SERPINA10: variants seen among roughly 807,000 people sequenced by gnomAD.
SERPINA10 encodes serpin family A member 10.
SERPINA10 carries 24 observed loss-of-function variants against 28.0 expected under a neutral mutation model. That is an observed-to-expected ratio of 0.86 (90% confidence interval 0.62 to 1.20). The LOEUF (loss-of-function observed/expected upper bound fraction) is 1.20, where lower values mean the gene tolerates loss of function less well. Ranked by LOEUF, SERPINA10 falls within the 50% of genes most tolerant of loss-of-function variation. The pLI is 0.00. For missense variants in SERPINA10, 521 were observed against 537.7 expected, an observed-to-expected ratio of 0.97 and a Z score of 0.31; for synonymous variants, 207 against 203.9, an observed-to-expected ratio of 1.02 and a Z score of -0.13.
rs1894933753 is a variant in SERPINA10 at position 94,282,944 on chromosome 14, A to G, written c.*1021T>C. 1 of 152,022 alleles carries G rather than the reference A, an allele frequency of 6.6e-6. No homozygotes were observed. Among genetic ancestry groups the G allele is most frequent in the Non-Finnish European group, 1.5e-5 (1 of 68,054 alleles). 9.4% of individuals were successfully genotyped at this position (152,022 alleles called of 1,614,324 possible). A position where few individuals can be genotyped will look rare whatever the true frequency, so the allele number is the denominator to read the frequency against. On this transcript the variant is annotated 3_prime_UTR_variant, in exon 5 of 5. Transcript: ENST00000261994. ...TAAAATGAAGGTATTGAACTAGATGATCTGTGATTCAGCCAATGCCTCTGC... is the reference window on the plus strand; with the variant it reads ...TAAAATGAAGGTATTGAACTAGATGGTCTGTGATTCAGCCAATGCCTCTGC...
chr14:94,292,747 CAG>C, intron 1 of SERPINA10: 1 of 696,898 alleles, frequency 1.4e-6, no homozygotes, highest in Non-Finnish European at 2.6e-6. Context: ...GCCAGGAGCT[CAG>C]GGGGTGCTCC....
chr14:94,288,466 C>T lies in SERPINA10; in HGVS notation c.812G>A (p.Gly271Asp), dbSNP rs2139696946. Residue 271 changes from glycine to aspartate, a missense_variant, in exon 3 of 5, where the codon GGT (glycine) becomes GAT (aspartate). Transcript: ENST00000261994. Reference protein sequence around the residue: ...YKTIKVPMMYGAGKFASTFDK... With the variant: ...YKTIKVPMMYDAGKFASTFDK... The stretch of plus-strand genomic sequence containing the variant: ...AAAGGTGGAGGCAAACTTGCCTGCA[C>T]CGTACATCATGGGCACCTTAATGGT... 1 of 1,614,118 alleles carries T rather than the reference C, an allele frequency of 6.2e-7. No individual in the cohort carries two copies. Among genetic ancestry groups the T allele is most frequent in the Non-Finnish European group, 8.5e-7 (1 of 1,180,018 alleles).
chr14:94,288,566 A>G lies in SERPINA10; in HGVS notation c.719-7T>C. 2 of 1,614,228 alleles carry G rather than the reference A, an allele frequency of 1.2e-6. No homozygotes were observed. The highest frequency in any genetic ancestry group is 1.7e-6 in the Non-Finnish European group (2 of 1,180,042). ...AATGGGGTCAACCATTTCCCTGAAC[A>G]AGTAAGAGAAGAACTCATTGCAGAA... On this transcript the variant is annotated splice_polypyrimidine_tract_variant and splice_region_variant and intron_variant, in intron 2 of 4. Transcript: ENST00000261994.
At position 94,288,537 on chromosome 14, in the gene SERPINA10, G is replaced by A. The variant is rs2232706; in HGVS notation, c.741C>T (p.Asp247=). The A allele has an allele frequency of 1.1e-5, 18 of 1,614,064 alleles. 1 individual carries two copies. In the East Asian group the frequency reaches 3.8e-4, roughly 34 times the overall value. The change falls in exon 3 of 5, where the codon GAC becomes GAT. Residue 247 remains aspartate (D), a synonymous_variant. Coordinates refer to ENST00000261994, the MANE Select transcript of SERPINA10 (RefSeq NM_001100607.3). ...LFKGKWLTPF[D]PVFTEVDTFH... ...AAGTGTCGACTTCGGTGAAGACAGG[G>A]TCAAATGGGGTCAACCATTTCCCTG...
chr14:94,284,878 G>C (rs1566717025), intron 4 of SERPINA10, among the ~76,000 whole-genome samples: 1 of 152,172 alleles, frequency 6.6e-6, no homozygotes, highest in African/African-American at 2.4e-5. Flanking sequence ...CAAACAGAGG[G>C]AGAATATTTA....
rs1276008419 is a variant in SERPINA10 at position 94,288,562 on chromosome 14, GA to G, written c.719-4del. The G allele has an allele frequency of 6.2e-7, 1 of 1,614,062 alleles. No homozygotes were observed. The highest frequency in any genetic ancestry group is 8.5e-7 in the Non-Finnish European group (1 of 1,180,042). On this transcript the variant is annotated splice_region_variant and splice_polypyrimidine_tract_variant and intron_variant, in intron 2 of 4. Transcript: ENST00000261994. Reference sequence around the variant, plus strand: ...GTCAAATGGGGTCAACCATTTCCCTGAACAAGTAAGAGAAGAACTCATTGCA... The same window carrying G: ...GTCAAATGGGGTCAACCATTTCCCTGACAAGTAAGAGAAGAACTCATTGCA...
At chr14:94,287,846 T>C (rs778681328) in intron 3 of SERPINA10, among the ~76,000 whole-genome samples, 20 of 152,366 alleles carry the variant, frequency 1.3e-4, no homozygotes, top group Admixed American at 2.0e-4. Flanking sequence ...GGTTTATCCT[T>C]CATCTTCAGA....
chr14:94,291,348 C>G (rs373295158), intron 1 of SERPINA10, among the ~76,000 whole-genome samples: 1 of 152,194 alleles, frequency 6.6e-6, no homozygotes, highest in African/African-American at 2.4e-5. Context: ...GGCTGCATGC[C>G]GGTTCTCACT....
Position 94,284,060 on chromosome 14 carries a change from T to G in SERPINA10, c.1240A>C (p.Ile414Leu). 1 of 1,614,210 alleles carries G rather than the reference T, an allele frequency of 6.2e-7. No individual in the cohort carries two copies. The highest frequency in any genetic ancestry group is 8.5e-7 in the Non-Finnish European group (1 of 1,180,030). Residue 414 changes from isoleucine (I) to leucine (L), a missense_variant, in exon 5 of 5, where the codon ATC (isoleucine) becomes CTC (leucine). Coordinates refer to ENST00000261994, the MANE Select transcript of SERPINA10 (RefSeq NM_001100607.3). The part of the protein sequence containing the change: ...EITAYSMPPV[I>L]KVDRPFHFMI... ...AAATGAAATGGCCGGTCCACTTTGA[T>G]GACAGGAGGCATGGAATAAGCAGTA...
chr14:94,292,500 G>A, intron 1 of SERPINA10: 1 of 676,190 alleles, frequency 1.5e-6, no homozygotes, highest in Non-Finnish European at 2.7e-6. Flanking sequence ...TCTACATTAA[G>A]ACCACACAGA....
chr14:94,290,076 T>A lies in SERPINA10; in HGVS notation c.518A>T (p.Asp173Val), dbSNP rs367993455. The part of the protein sequence containing the change: ...GSFAFIHKDF[D>V]VKETFFNLSK... ...TAAATTGAAGAAAGTCTCTTTGACATCAAAATCCTTGTGGATGAAGGCAAA... is the reference window on the plus strand; with the variant it reads ...TAAATTGAAGAAAGTCTCTTTGACAACAAAATCCTTGTGGATGAAGGCAAA... The change falls in exon 2 of 5, where the codon GAT (aspartate) becomes GTT (valine). Residue 173 changes from aspartate (D) to valine (V), a missense_variant. Coordinates refer to ENST00000261994, the MANE Select transcript of SERPINA10 (RefSeq NM_001100607.3). 1.6e-5 allele frequency: 26 copies of A among 1,614,092 alleles called. No individual in the cohort carries two copies. Among genetic ancestry groups the A allele is most frequent in the Non-Finnish European group, 2.1e-5 (25 of 1,180,040 alleles).
intron 4 of SERPINA10, among the ~76,000 whole-genome samples, chr14:94,284,533 A>T (rs1894975398): frequency 6.6e-6 from 1 of 152,164 alleles, no homozygotes; most frequent in Non-Finnish European, 1.5e-5. Context: ...TGATCCCTGG[A>T]TCCCTTGAGT....
intron 1 of SERPINA10, chr14:94,292,792 G>T: frequency 1.5e-6 from 1 of 668,432 alleles, no homozygotes; most frequent in South Asian, 1.6e-5. Context: ...TGGTGAGGAC[G>T]CACCTTCCTA....
intron 2 of SERPINA10, 76 bp downstream of exon 2, chr14:94,289,800 C>G (rs931295427): frequency 6.9e-6 from 10 of 1,449,508 alleles, no homozygotes; most frequent in Non-Finnish European, 9.7e-6. Flanking sequence ...TAATCATATG[C>G]TGGCCTAACG....
intron 4 of SERPINA10, among the ~76,000 whole-genome samples, chr14:94,285,689 G>A (rs572635558): frequency 3.2e-4 from 49 of 152,104 alleles, no homozygotes; most frequent in Admixed American, 6.6e-4. Flanking sequence ...AGAAGTTGGA[G>A]GGCTATTTCG....
rs56137907 is a variant in SERPINA10, at chr14:94,290,179, C to T, written c.415G>A (p.Gly139Arg). 479 of 1,613,826 alleles carry T rather than the reference C, an allele frequency of 3.0e-4. 3 individuals carry two copies. In the African/African-American group the frequency reaches 5.4e-3, roughly 18 times the overall value. The change falls in exon 2 of 5, where the codon GGG becomes AGG. Residue 139 changes from glycine to arginine, a missense_variant. By Grantham distance (125) the Gly-to-Arg change is moderately radical (BLOSUM62 -2). Coordinates refer to ENST00000261994, the MANE Select transcript of SERPINA10 (RefSeq NM_001100607.3). The part of the protein sequence containing the change: ...HLQALKPTKP[G>R]LLPSLFKGLR... Reference sequence around the variant, plus strand: ...CCCTTAAAGAGGGAAGGCAGGAGCCCGGGCTTGGTGGGCTTCAGGGCCTGC... The same window carrying T: ...CCCTTAAAGAGGGAAGGCAGGAGCCTGGGCTTGGTGGGCTTCAGGGCCTGC...
In SERPINA10 at chr14:94,290,759, C is replaced by T. The variant is rs1055910712; in HGVS notation, c.-50-116G>A. ...CTGTGGCTCAAGTAGGTTAGCCCTG[C>T]CCCAGGGAGACCTAGAGCAAGTGTG... On this transcript the variant is annotated intron_variant, in intron 1 of 4. Transcript: ENST00000261994. The T allele has an allele frequency of 6.1e-6, 7 of 1,142,308 alleles. No homozygotes were observed. In the African/African-American group the frequency reaches 7.7e-5, roughly 13 times the overall value. 70.8% of individuals were successfully genotyped at this position (1,142,308 alleles called of 1,614,324 possible).
Position 94,282,164 on chromosome 14 carries a change from T to C in SERPINA10, c.*1801A>G, listed in dbSNP as rs1894916342. 1.3e-5 allele frequency: 2 copies of C among 152,020 alleles called. No individual in the cohort carries two copies. The highest frequency in any genetic ancestry group is 4.8e-5 in the African/African-American group (2 of 41,368). 9.4% of individuals were successfully genotyped at this position (152,020 alleles called of 1,614,324 possible). A position where few individuals can be genotyped will look rare whatever the true frequency, so the allele number is the denominator to read the frequency against. On this transcript the variant is annotated 3_prime_UTR_variant, in exon 5 of 5. Transcript: ENST00000261994. Reference sequence around the variant, plus strand: ...CTTTTCATCAGTCCAGGTTATGGAATGATGAAAAGTCAGTATTTAGACTGC... The same window carrying C: ...CTTTTCATCAGTCCAGGTTATGGAACGATGAAAAGTCAGTATTTAGACTGC...
Position 94,283,070 on chromosome 14 carries a change from T to C in SERPINA10, c.*895A>G, listed in dbSNP as rs1345462625. The C allele has an allele frequency of 6.6e-6, 1 of 152,212 alleles. No individual in the cohort carries two copies. The highest frequency in any genetic ancestry group is 1.9e-4 in the East Asian group (1 of 5,190). 9.4% of individuals were successfully genotyped at this position (152,212 alleles called of 1,614,324 possible). ...AGCAAGAAATGACTCCGTAATAGAT[T>C]AAAATAAAACACTTATTTTGCACCA... On this transcript the variant is annotated 3_prime_UTR_variant, in exon 5 of 5. Transcript: ENST00000261994.
Sources: gnomAD v4.1 joint callset for allele counts (sites outside exome capture counted in the v4.1 genomes callset) on GRCh38, gnomAD v4.1.1 for gene constraint, MANE v1.5 for transcripts, NCBI Gene and HGNC (gene_info 2026-07-23, HGNC 2026-07-21) for gene names.